Variants in CHCHD6 observed in about 807,000 individuals in gnomAD.
CHCHD6 encodes coiled-coil-helix-coiled-coil-helix domain containing 6, also known as MICOS complex subunit MIC25.
A neutral mutation model predicts 32.3 loss-of-function variants in CHCHD6; 28 were observed. The observed-to-expected ratio is 0.87, with a 90% CI of 0.64 to 1.19. The LOEUF is 1.19. Among genes scored for constraint, CHCHD6 ranks in the 50% most tolerant of loss-of-function variants. CHCHD6 has a pLI of 0.00. For missense variants in CHCHD6, 333 were observed against 307.0 expected, an observed-to-expected ratio of 1.08 and a Z score of -0.63; for synonymous variants, 122 against 117.5, an observed-to-expected ratio of 1.04 and a Z score of -0.25.
At chr3:126,842,596 A>C (rs1941136658) in intron 4 of CHCHD6, among the ~76,000 whole-genome samples, 1 of 152,222 alleles carries the variant, frequency 6.6e-6, no homozygotes, top group Non-Finnish European at 1.5e-5. Flanking sequence ...TTATTCATAT[A>C]TGAAATGAAT....
intron 1 of CHCHD6, among the ~76,000 whole-genome samples, chr3:126,723,434 C>T (rs16837715): frequency 0.084 from 12,773 of 152,150 alleles, 1,804 homozygotes; most frequent in African/African-American, 0.29. Context: ...TATGTGCATG[C>T]ATGTGAAATC....
rs149151059 is a variant in CHCHD6 at position 126,745,105 on chromosome 3, G to A, written c.411+11883G>A. 4.0e-4 allele frequency among the ~76,000 whole-genome samples: 61 copies of A among 152,270 alleles called. No individual in the cohort carries two copies. The East Asian group carries it at 0.011, about 27-fold the overall frequency. On this transcript the variant is annotated intron_variant, in intron 4 of 7. Transcript: ENST00000290913. Reference sequence around the variant, plus strand: ...GGATTCTCGTTGGCAGAACTGTGTCGCAGGGCCACCTCTAGCTGCAAAAGG... The same window carrying A: ...GGATTCTCGTTGGCAGAACTGTGTCACAGGGCCACCTCTAGCTGCAAAAGG...
chr3:126,926,993 A>G (rs748930388), intron 6 of CHCHD6, among the ~76,000 whole-genome samples: 3 of 152,152 alleles, frequency 2.0e-5, no homozygotes, highest in Non-Finnish European at 4.4e-5. Context: ...AGATGATTTT[A>G]TACAAAGTGC....
chr3:126,941,348 C>T (rs2078556038), intron 6 of CHCHD6, among the ~76,000 whole-genome samples: 1 of 152,174 alleles, frequency 6.6e-6, no homozygotes, highest in Non-Finnish European at 1.5e-5. Flanking sequence ...TTTCTAGACT[C>T]TTTTCCAGGC....
At chr3:126,758,507 G>A (rs1000497708) in intron 4 of CHCHD6, among the ~76,000 whole-genome samples, 1 of 152,206 alleles carries the variant, frequency 6.6e-6, no homozygotes, top group Non-Finnish European at 1.5e-5. Context: ...AAGATGAGTT[G>A]GGAAAATGGA....
At chr3:126,922,863 G>T (rs891349853) in intron 6 of CHCHD6, among the ~76,000 whole-genome samples, 1 of 152,188 alleles carries the variant, frequency 6.6e-6, no homozygotes, top group South Asian at 2.1e-4. Flanking sequence ...ACCAACAGAG[G>T]TTAGTGTTTG....
chr3:126,852,182 G>T (rs954116809), intron 4 of CHCHD6, among the ~76,000 whole-genome samples: 1 of 152,240 alleles, frequency 6.6e-6, no homozygotes, highest in Non-Finnish European at 1.5e-5. Context: ...GCACATAGCT[G>T]TGTGGCTCAC....
chr3:126,823,030 T>G (rs1386641098), intron 4 of CHCHD6, among the ~76,000 whole-genome samples: 1 of 152,062 alleles, frequency 6.6e-6, no homozygotes, highest in Admixed American at 6.6e-5. Context: ...ATCAGCCTCT[T>G]GGGTAGCTGG....
chr3:126,790,641 A>T (rs529001503), intron 4 of CHCHD6, among the ~76,000 whole-genome samples: 5 of 152,236 alleles, frequency 3.3e-5, no homozygotes, highest in Admixed American at 3.3e-4. Context: ...TGCATTCGTC[A>T]TGTAGTTCTT....
At chr3:126,867,225 G>A (rs1034064318) in intron 5 of CHCHD6, among the ~76,000 whole-genome samples, 6 of 152,172 alleles carry the variant, frequency 3.9e-5, no homozygotes, top group Non-Finnish European at 8.8e-5. Flanking sequence ...CTAATCTCAC[G>A]GTTAAGTTGA....
chr3:126,722,118 C>T (rs933695007), intron 1 of CHCHD6, among the ~76,000 whole-genome samples: 1 of 152,196 alleles, frequency 6.6e-6, no homozygotes, highest in African/African-American at 2.4e-5. Flanking sequence ...TGGTAACTCT[C>T]CATATCCTCG....
At chr3:126,872,403 A>G (rs1462832251) in intron 5 of CHCHD6, among the ~76,000 whole-genome samples, 2 of 152,082 alleles carry the variant, frequency 1.3e-5, no homozygotes, top group Non-Finnish European at 2.9e-5. Context: ...AAGAGATCCT[A>G]TTTGGGGCAA....
intron 5 of CHCHD6, among the ~76,000 whole-genome samples, chr3:126,854,607 C>G (rs1303384565): frequency 2.0e-5 from 3 of 152,208 alleles, no homozygotes. Context: ...ATTCCACTTT[C>G]ATTTGTTGAA....
chr3:126,735,436 A>G (rs1326279306), intron 4 of CHCHD6, among the ~76,000 whole-genome samples: 1 of 152,160 alleles, frequency 6.6e-6, no homozygotes, highest in East Asian at 1.9e-4. Context: ...ACATTTAACT[A>G]CTTTCATGGG....
chr3:126,923,562 G>A (rs565298591), intron 6 of CHCHD6, among the ~76,000 whole-genome samples: 4 of 152,342 alleles, frequency 2.6e-5, no homozygotes, highest in East Asian at 1.9e-4. Context: ...GGCCCTGAAC[G>A]GTACAGGGCC....
chr3:126,955,625 T>C (rs2078773159), intron 6 of CHCHD6, among the ~76,000 whole-genome samples: 1 of 152,118 alleles, frequency 6.6e-6, no homozygotes, highest in Non-Finnish European at 1.5e-5. Flanking sequence ...CACCCCACAC[T>C]CATCCCTCCC....
intron 5 of CHCHD6, among the ~76,000 whole-genome samples, chr3:126,892,137 C>T (rs2077770478): frequency 6.6e-6 from 1 of 152,178 alleles, no homozygotes. Context: ...ATCCTCTGTG[C>T]CTACTACAGC....
intron 4 of CHCHD6, among the ~76,000 whole-genome samples, chr3:126,842,271 C>T (rs1013850178): frequency 9.2e-5 from 14 of 152,162 alleles, no homozygotes; most frequent in Admixed American, 9.2e-4. Context: ...ACCCTGGGCC[C>T]ATCCCAGATC....
At chr3:126,879,542 A>G (rs2077580732) in intron 5 of CHCHD6, among the ~76,000 whole-genome samples, 1 of 152,238 alleles carries the variant, frequency 6.6e-6, no homozygotes, top group African/African-American at 2.4e-5. Context: ...CAGACTCTTC[A>G]AAAGTTATCA....
Sources: allele counts gnomAD v4.1 joint callset (sites outside exome capture counted in the v4.1 genomes callset), GRCh38; gene constraint gnomAD v4.1.1; transcripts MANE v1.5; gene names NCBI Gene and HGNC (gene_info 2026-07-23, HGNC 2026-07-21).